Variants in MAP3K3 observed in about 807,000 individuals in gnomAD.
The protein encoded by MAP3K3 is mitogen-activated protein kinase kinase kinase 3.
MAP3K3 carries 12 observed loss-of-function variants against 80.9 expected under a neutral mutation model. That is an observed-to-expected ratio of 0.15 (90% CI 0.10 to 0.24). MAP3K3 has a LOEUF of 0.24. MAP3K3 is among the 10% of genes least tolerant of loss of function. The probability of loss-of-function intolerance (pLI) is 1.00; values close to 1 mark genes in which losing one functional copy is unlikely to be tolerated. For missense variants in MAP3K3, 596 were observed against 834.7 expected (o/e 0.71, Z 3.52); for synonymous variants, 272 against 307.1 (o/e 0.89, Z 1.19).
chr17:63,675,142 A>G (rs568689155), intron 6 of MAP3K3, among the ~76,000 whole-genome samples: 1 of 152,230 alleles, frequency 6.6e-6, no homozygotes, highest in South Asian at 2.1e-4. Flanking sequence ...GGGAATTTTG[A>G]AAGTTGAAAC....
intron 8 of MAP3K3, among the ~76,000 whole-genome samples, chr17:63,687,774 G>A (rs1055343643): frequency 1.4e-5 from 2 of 148,118 alleles, no homozygotes; most frequent in Non-Finnish European, 3.0e-5. Context: ...TGGATCACAA[G>A]GTCAAGAGAT....
intron 4 of MAP3K3, among the ~76,000 whole-genome samples, chr17:63,655,977 G>A (rs1201132813): frequency 6.6e-6 from 1 of 151,988 alleles, no homozygotes; most frequent in South Asian, 2.1e-4. Flanking sequence ...TGCCTGTAAT[G>A]CCAGCACTTT....
chr17:63,663,561 CAG>C (rs2034939046), intron 5 of MAP3K3, among the ~76,000 whole-genome samples: 1 of 151,788 alleles, frequency 6.6e-6, no homozygotes. Flanking sequence ...CATATATAAT[CAG>C]AGTCTTTAAA....
At chr17:63,637,379 C>T (rs2034351513) in intron 2 of MAP3K3, among the ~76,000 whole-genome samples, 1 of 152,112 alleles carries the variant, frequency 6.6e-6, no homozygotes, top group African/African-American at 2.4e-5. Context: ...TAAATCCAAG[C>T]CTTCTGATTC....
chr17:63,630,719 T>C (rs2034198307), intron 1 of MAP3K3, among the ~76,000 whole-genome samples: 1 of 152,234 alleles, frequency 6.6e-6, no homozygotes, highest in South Asian at 2.1e-4. Flanking sequence ...GATGTCTTTT[T>C]GTAGATACCC....
At chr17:63,665,734 A>G (rs1458361084) in intron 5 of MAP3K3, among the ~76,000 whole-genome samples, 2 of 152,172 alleles carry the variant, frequency 1.3e-5, no homozygotes, top group Non-Finnish European at 2.9e-5. Context: ...GGCTTCAGCA[A>G]GAACATTCAC....
Position 63,636,665 on chromosome 17 carries a change from C to G in MAP3K3, c.126+3863C>G, listed in dbSNP as rs560502488. 5 of 251,750 alleles carry G rather than the reference C, an allele frequency of 2.0e-5. No homozygotes were observed. In the East Asian group the frequency reaches 4.7e-4, roughly 23 times the overall value. 15.6% of individuals were successfully genotyped at this position (251,750 alleles called of 1,614,324 possible). A position where few individuals can be genotyped will look rare whatever the true frequency, so the allele number is the denominator to read the frequency against. ...ACAGCCACGCAGATCCAGCATGTGT[C>G]TCCCATGTGCCAAGTGGAGCCCCCA... On this transcript the variant is annotated intron_variant, in intron 2 of 15. Transcript: ENST00000361733.
At chr17:63,681,721 C>G (rs779097581) in intron 6 of MAP3K3, 45 bp from the exon 7 acceptor site, 18 of 1,366,314 alleles carry the variant, frequency 1.3e-5, no homozygotes, top group Non-Finnish European at 1.6e-5. Flanking sequence ...TCTTGGGCCA[C>G]ACACCCTGGG....
chr17:63,633,894 C>G (rs1342182469), intron 2 of MAP3K3, among the ~76,000 whole-genome samples: 1 of 152,186 alleles, frequency 6.6e-6, no homozygotes, highest in Non-Finnish European at 1.5e-5. Context: ...ACCAATTCTT[C>G]AGAATTGGTT....
chr17:63,632,845 G>A, intron 2 of MAP3K3, 43 bp downstream of exon 2: 1 of 1,610,546 alleles, frequency 6.2e-7, no homozygotes, highest in Non-Finnish European at 8.5e-7. Flanking sequence ...TTGTTGGGGA[G>A]GGGTTTTCAA....
In MAP3K3 at chr17:63,693,864, G is replaced by A. The variant is rs1287082561; in HGVS notation, c.*87G>A. ...CTCAGTGAAGTTGCTGCTTCTCCCA[G>A]GCAAGGCTGTGGACCATGGAGTGGC... is the stretch of plus-strand genomic sequence containing the variant. On this transcript the variant is annotated 3_prime_UTR_variant, in exon 16 of 16. Transcript: ENST00000361733. The surrounding 1 kb of genome is among the most constrained non-coding windows in gnomAD (Gnocchi z 4.2). 3.2e-6 allele frequency: 4 copies of A among 1,235,706 alleles called. No homozygotes were observed. Among genetic ancestry groups the A allele is most frequent in the Non-Finnish European group, 4.6e-6 (4 of 878,814 alleles). 76.5% of individuals were successfully genotyped at this position (1,235,706 alleles called of 1,614,324 possible).
chr17:63,643,894 C>T lies in MAP3K3; in HGVS notation c.127-2140C>T, dbSNP rs1374989673. Among the ~76,000 whole-genome samples the T allele has an allele frequency of 2.0e-5, 3 of 152,186 alleles. No individual in the cohort carries two copies. In the East Asian group the frequency reaches 5.8e-4, roughly 29 times the overall value. On this transcript the variant is annotated intron_variant, in intron 2 of 15. Transcript: ENST00000361733. ...AAAGAAGATAGTGAAAAACTGCTCT[C>T]AGTGCCTGTGTGACACTTAAGTTGT...
At chr17:63,690,639 A>C in intron 12 of MAP3K3, 1 of 531,738 alleles carries the variant, frequency 1.9e-6, no homozygotes, top group Non-Finnish European at 3.3e-6. Flanking sequence ...AGCTGATGCC[A>C]AAGTACCAAG....
chr17:63,634,657 T>C (rs907757645), intron 2 of MAP3K3: 1 of 1,449,362 alleles, frequency 6.9e-7, no homozygotes, highest in Non-Finnish European at 9.6e-7. Context: ...TTGTCAAACT[T>C]ATGTTGCACG....
intron 8 of MAP3K3, 93 bp downstream of exon 8, chr17:63,685,683 T>A: frequency 1.0e-6 from 1 of 962,522 alleles, no homozygotes; most frequent in Non-Finnish European, 1.7e-6. Flanking sequence ...GGCCCAGGGT[T>A]AAAACATCAT....
intron 5 of MAP3K3, 122 bp downstream of exon 5, chr17:63,658,029 A>G: frequency 3.9e-6 from 2 of 509,706 alleles, no homozygotes; most frequent in South Asian, 2.8e-5. Context: ...GAGCATAAGC[A>G]CAGCACAGCC....
intron 1 of MAP3K3, among the ~76,000 whole-genome samples, chr17:63,631,285 T>A (rs2034210752): frequency 6.6e-6 from 1 of 152,070 alleles, no homozygotes; most frequent in African/African-American, 2.4e-5. Context: ...GAAACCCTGT[T>A]TCAGTCAGTC....
rs573087579 is a variant in MAP3K3, at chr17:63,663,495, C to T, written c.382-3445C>T. Among the ~76,000 whole-genome samples, 59 of 148,458 alleles carry T rather than the reference C, an allele frequency of 4.0e-4. 1 individual carries two copies. The highest frequency in any genetic ancestry group is 1.3e-3 in the African/African-American group (52 of 40,002). On this transcript the variant is annotated intron_variant, in intron 5 of 15. Transcript: ENST00000361733. The stretch of plus-strand genomic sequence containing the variant: ...CCAGCCTGGGCGATGAGCGAAACTC[C>T]GTCTCAAAAAAAAAAAAAAAGTTTA...
At chr17:63,626,416 C>T (rs190135904) in intron 1 of MAP3K3, among the ~76,000 whole-genome samples, 1 of 152,280 alleles carries the variant, frequency 6.6e-6, no homozygotes, top group African/African-American at 2.4e-5. Flanking sequence ...TCTATAGTCT[C>T]CAGTCCTTTG....
Sources: allele counts gnomAD v4.1 joint callset (sites outside exome capture counted in the v4.1 genomes callset), GRCh38; gene constraint gnomAD v4.1.1; non-coding constraint Gnocchi (gnomAD v3.1); transcripts MANE v1.5; gene names NCBI Gene and HGNC (gene_info 2026-07-23, HGNC 2026-07-21).